The following CYTIP variants were observed in gnomAD, a reference collection of about 807,000 sequenced individuals.
CYTIP encodes the protein cytohesin 1 interacting protein.
Under a neutral mutation model 43.8 loss-of-function variants are expected in CYTIP, and 26 were observed. The observed-to-expected ratio is 0.59, with a 90% confidence interval of 0.44 to 0.82. The LOEUF is 0.82. Among genes scored for constraint, CYTIP ranks in the 40% least tolerant of loss-of-function variants. CYTIP has a pLI of 0.00. For missense variants in CYTIP, 426 were observed against 443.1 expected (o/e 0.96, Z 0.35); for synonymous variants, 162 against 162.9 (o/e 0.99, Z 0.04).
intron 6 of CYTIP, among the ~76,000 whole-genome samples, chr2:157,425,845 A>G (rs1051984865): frequency 2.0e-5 from 3 of 152,166 alleles, no homozygotes; most frequent in Admixed American, 6.5e-5. Context: ...AAATGTAGCA[A>G]CAAAAATGTT....
intron 6 of CYTIP, among the ~76,000 whole-genome samples, chr2:157,426,268 G>A (rs1685606028): frequency 6.6e-6 from 1 of 152,116 alleles, no homozygotes; most frequent in African/African-American, 2.4e-5. Context: ...AATTCAAAGT[G>A]AGAAAAGTGA....
At chr2:157,436,824 C>T (rs1407952790) in intron 1 of CYTIP, among the ~76,000 whole-genome samples, 2 of 152,048 alleles carry the variant, frequency 1.3e-5, no homozygotes, top group Non-Finnish European at 2.9e-5. Flanking sequence ...GGTTGAAGAG[C>T]CACATTAAAT....
chr2:157,430,324 A>G (rs1432422111), intron 5 of CYTIP, among the ~76,000 whole-genome samples: 1 of 152,226 alleles, frequency 6.6e-6, no homozygotes, highest in Non-Finnish European at 1.5e-5. Flanking sequence ...CATCCTTCCC[A>G]CACAGACGTT....
intron 5 of CYTIP, among the ~76,000 whole-genome samples, chr2:157,430,300 A>G (rs79137495): frequency 0.072 from 10,996 of 152,200 alleles, 507 homozygotes; most frequent in Admixed American, 0.12. Flanking sequence ...TTAAAAAAAT[A>G]CATTTGTAAA....
rs139676216 is a variant in CYTIP at position 157,422,105 on chromosome 2, T to C, written c.547-3516A>G. 2.7e-3 allele frequency among the ~76,000 whole-genome samples: 409 copies of C among 152,244 alleles called. 1 individual carries two copies. Among genetic ancestry groups the C allele is most frequent in the Non-Finnish European group, 4.4e-3 (302 of 68,012 alleles). On this transcript the variant is annotated intron_variant, in intron 6 of 7. Coordinates refer to ENST00000264192, the MANE Select transcript of CYTIP (RefSeq NM_004288.5). The stretch of plus-strand genomic sequence containing the variant: ...GAGCTTGTATGTTGAAAGGCAGGAA[T>C]ACCTAAACACAGCCTCGTGACCTGA...
At chr2:157,440,255 C>T (rs550922581) in intron 1 of CYTIP, among the ~76,000 whole-genome samples, 5 of 152,268 alleles carry the variant, frequency 3.3e-5, no homozygotes, top group Admixed American at 6.5e-5. Flanking sequence ...AGGATATCAA[C>T]GCTCCACAGA....
intron 1 of CYTIP, 117 bp downstream of exon 1, chr2:157,443,730 T>C: frequency 9.0e-7 from 1 of 1,107,842 alleles, no homozygotes; most frequent in Non-Finnish European, 1.3e-6. Context: ...CCCATAATAA[T>C]CAGCCAGTAA....
intron 3 of CYTIP, among the ~76,000 whole-genome samples, chr2:157,432,618 A>G (rs369567423): frequency 6.6e-6 from 1 of 152,166 alleles, no homozygotes; most frequent in Non-Finnish European, 1.5e-5. Context: ...CTGCATTCCT[A>G]TTGGGCTGCA....
intron 1 of CYTIP, chr2:157,438,908 C>T (rs1685858649): frequency 2.5e-6 from 1 of 396,068 alleles, no homozygotes; most frequent in Non-Finnish European, 5.4e-6. Context: ...GAAATCAGTG[C>T]ATCTATTAGG....
In CYTIP at chr2:157,415,923, C is replaced by T. The variant is rs141179083; in HGVS notation, c.834G>A (p.Thr278=). The T allele has an allele frequency of 2.6e-3, 4,192 of 1,614,206 alleles. 6 individuals are homozygous for T. The highest frequency in any genetic ancestry group is 3.1e-3 in the Non-Finnish European group (3,706 of 1,180,030). Residue 278 remains threonine, a synonymous_variant, in exon 8 of 8, where the codon ACG becomes ACA. Coordinates refer to ENST00000264192, the MANE Select transcript of CYTIP (RefSeq NM_004288.5). ...GGATAAAGCACTCATCATCTGTACT[C>T]GTCTGCCGACTGAAGGCACCCCTGC... ...DSSRGAFSRQ[T]STDDECFIPK...
intron 1 of CYTIP, among the ~76,000 whole-genome samples, chr2:157,437,352 C>G (rs894200591): frequency 6.6e-6 from 1 of 151,108 alleles, no homozygotes; most frequent in Admixed American, 6.6e-5. Context: ...AATACCTCAA[C>G]AGAAAAAAAA....
intron 3 of CYTIP, among the ~76,000 whole-genome samples, chr2:157,431,671 A>G (rs1310554233): frequency 1.3e-5 from 2 of 152,232 alleles, no homozygotes; most frequent in African/African-American, 2.4e-5. Context: ...TAGTGTCCCA[A>G]TGACCTATAA....
chr2:157,438,944 CT>C, intron 1 of CYTIP: 1 of 421,324 alleles, frequency 2.4e-6, no homozygotes, highest in African/African-American at 2.0e-5. Flanking sequence ...TCCAATCGGT[CT>C]TTTGAATCAA....
intron 1 of CYTIP, among the ~76,000 whole-genome samples, chr2:157,438,662 T>C (rs571020048): frequency 1.7e-4 from 26 of 151,968 alleles, no homozygotes; most frequent in African/African-American, 4.8e-4. Context: ...TATGATTATA[T>C]ATCAACTGAA....
intron 6 of CYTIP, among the ~76,000 whole-genome samples, chr2:157,421,673 A>G (rs1361376037): frequency 6.6e-6 from 1 of 152,194 alleles, no homozygotes; most frequent in African/African-American, 2.4e-5. Context: ...ATCAGAAAGG[A>G]CCACTGTTTC....
At chr2:157,427,926 T>C (rs1192955127) in intron 5 of CYTIP, among the ~76,000 whole-genome samples, 1 of 152,210 alleles carries the variant, frequency 6.6e-6, no homozygotes, top group Admixed American at 6.5e-5. Flanking sequence ...CTTTCCTCCA[T>C]AGGATTCTAG....
At position 157,415,694 on chromosome 2, in the gene CYTIP, C is replaced by T. The variant is rs1293184738; in HGVS notation, c.1063G>A (p.Glu355Lys). The T allele has an allele frequency of 6.2e-7, 1 of 1,608,060 alleles. No homozygotes were observed. The highest frequency in any genetic ancestry group is 1.3e-5 in the African/African-American group (1 of 74,696). Residue 355 changes from glutamate (E) to lysine (K), a missense_variant, in exon 8 of 8, where the codon GAA becomes AAA. Coordinates refer to ENST00000264192, the MANE Select transcript of CYTIP (RefSeq NM_004288.5). ...ACAATCCGTCAAAAGCGACTTTCTT[C>T]CTCTTCCACAGCACGATGAAGGCCA... ...IPGLHRAVEE[E>K]ESRF
intron 1 of CYTIP, among the ~76,000 whole-genome samples, chr2:157,435,514 A>T (rs748935918): frequency 7.2e-5 from 11 of 152,214 alleles, no homozygotes; most frequent in Non-Finnish European, 1.6e-4. Context: ...GGAAAAGATC[A>T]TATAAACATA....
rs112857797 is a variant in CYTIP at position 157,422,137 on chromosome 2, C to T, written c.547-3548G>A. 6.7e-3 allele frequency among the ~76,000 whole-genome samples: 1,018 copies of T among 152,250 alleles called. 7 individuals carry two copies. Among genetic ancestry groups the T allele is most frequent in the Non-Finnish European group, 0.01 (682 of 68,018 alleles). On this transcript the variant is annotated intron_variant, in intron 6 of 7. Transcript: ENST00000264192. ...ACACAGCCTCGTGACCTGAGCCAAA[C>T]AGCTCACTGAGTCTTCAGGAAAGGC...
Sources: gnomAD v4.1 joint callset for allele counts (sites outside exome capture counted in the v4.1 genomes callset) on GRCh38, gnomAD v4.1.1 for gene constraint, MANE v1.5 for transcripts, NCBI Gene and HGNC (gene_info 2026-07-23, HGNC 2026-07-21) for gene names.